The following SFXN4 variants were observed in gnomAD, a reference collection of about 807,000 sequenced individuals.
SFXN4 encodes the protein sideroflexin-4.
SFXN4 carries 48 observed loss-of-function variants against 54.6 expected under a neutral mutation model. That is an observed-to-expected ratio of 0.88 (90% CI 0.70 to 1.12). The LOEUF (loss-of-function observed/expected upper bound fraction) is 1.12. Ranked by LOEUF, SFXN4 falls within the 50% of genes most tolerant of loss-of-function variation. The pLI is 0.00. For missense variants in SFXN4, 383 were observed against 409.2 expected (o/e 0.94, Z 0.55); for synonymous variants, 130 against 145.5 (o/e 0.89, Z 0.77).
chr10:119,144,064 C>T (rs1172581547), intron 13 of SFXN4, among the ~76,000 whole-genome samples: 1 of 152,134 alleles, frequency 6.6e-6, no homozygotes. Flanking sequence ...ACCTATAAAA[C>T]GTGGGTTCTG....
At chr10:119,144,782 A>C (rs561135867) in intron 13 of SFXN4, among the ~76,000 whole-genome samples, 64 of 152,276 alleles carry the variant, frequency 4.2e-4, no homozygotes, top group Middle Eastern at 3.4e-3. Context: ...AGAGTACCTA[A>C]TTTAAAATTT....
At chr10:119,159,865 AC>A (rs763799334) in intron 5 of SFXN4, 112 bp from the exon 6 acceptor site, 15 of 1,102,116 alleles carry the variant, frequency 1.4e-5, no homozygotes, top group Non-Finnish European at 1.8e-5. Flanking sequence ...GAAGGCACAG[AC>A]CTCAAAGGAC....
chr10:119,164,721 T>C (rs1847697767), intron 1 of SFXN4, among the ~76,000 whole-genome samples: 1 of 152,092 alleles, frequency 6.6e-6, no homozygotes, highest in Non-Finnish European at 1.5e-5. Flanking sequence ...GCTTTAAGCC[T>C]TGGCTCTGCT....
At chr10:119,148,119 C>G (rs1846897856) in intron 11 of SFXN4, among the ~76,000 whole-genome samples, 1 of 152,028 alleles carries the variant, frequency 6.6e-6, no homozygotes. Flanking sequence ...TTGCAGTGAG[C>G]CAAGATCACG....
At chr10:119,151,482 A>G (rs1383688789) in intron 11 of SFXN4, among the ~76,000 whole-genome samples, 1 of 151,526 alleles carries the variant, frequency 6.6e-6, no homozygotes, top group African/African-American at 2.4e-5. Flanking sequence ...CTACAACTGG[A>G]CTGTGGTGAT....
intron 7 of SFXN4, 29 bp downstream of exon 7, chr10:119,157,980 A>G (rs2133612190): frequency 1.2e-6 from 2 of 1,614,158 alleles, no homozygotes; most frequent in Non-Finnish European, 1.7e-6. Context: ...AACAGAATTT[A>G]GTAATCGTGA....
chr10:119,162,478 T>G, intron 2 of SFXN4, 64 bp from the exon 3 acceptor site: 1 of 1,389,242 alleles, frequency 7.2e-7, no homozygotes, highest in East Asian at 2.3e-5. Context: ...TCCCCAGAGG[T>G]AGGAATCACC....
In SFXN4 at chr10:119,147,785, A is replaced by C; in HGVS notation, c.808T>G (p.Phe270Val). Residue 270 changes from phenylalanine to valine, a missense_variant, in exon 12 of 14, where the codon TTT becomes GTT. Physicochemically the swap from Phe to Val is conservative, Grantham distance 50 (BLOSUM62 -1). Coordinates refer to ENST00000355697, the MANE Select transcript of SFXN4 (RefSeq NM_213649.2). ...SALIPEVFTY[F>V]FKRTQYFRKN... ...GACCGTGTCTCTTACCTTTTAAAAA[A>C]GTAGGTGAAGACTTCAGGAATCAGA... The C allele has an allele frequency of 1.9e-6, 3 of 1,613,992 alleles. No homozygotes were observed. Among genetic ancestry groups the C allele is most frequent in the Non-Finnish European group, 2.5e-6 (3 of 1,179,836 alleles).
chr10:119,143,506 T>C (rs1006101179), intron 13 of SFXN4, among the ~76,000 whole-genome samples: 3 of 152,120 alleles, frequency 2.0e-5, no homozygotes, highest in African/African-American at 7.2e-5. Flanking sequence ...TGGCTAATTA[T>C]TATTTTTTCT....
intron 2 of SFXN4, among the ~76,000 whole-genome samples, chr10:119,162,800 T>C (rs1847611180): frequency 6.6e-6 from 1 of 152,158 alleles, no homozygotes. Context: ...CTTTCTTTTC[T>C]TATTGTTTTT....
chr10:119,156,666 C>A lies in SFXN4; in HGVS notation c.616+12G>T. On this transcript the variant is annotated intron_variant, in intron 10 of 13. Transcript: ENST00000355697. ...CCCACCCAGACTGCAGCCTCCAGCC[C>A]TTCCTGCTCACCGAGGAAGATCACA... 1.2e-6 allele frequency: 2 copies of A among 1,602,882 alleles called. No homozygotes were observed. The highest frequency in any genetic ancestry group is 2.2e-5 in the East Asian group (1 of 44,686).
chr10:119,142,700 G>A lies in SFXN4; in HGVS notation c.937-1381C>T, dbSNP rs551545441. On this transcript the variant is annotated intron_variant, in intron 13 of 13. Coordinates refer to ENST00000355697, the MANE Select transcript of SFXN4 (RefSeq NM_213649.2). ...CGAGTAGCTGGGACTACAGGCACCC[G>A]CCACCACGTCCAGCTAATGTTTTGA... Among the ~76,000 whole-genome samples the A allele has an allele frequency of 1.5e-4, 21 of 139,260 alleles. 1 individual carries two copies. Among genetic ancestry groups the A allele is most frequent in the Admixed American group, 7.6e-4 (10 of 13,240 alleles). 91.4% of individuals were successfully genotyped at this position (139,260 alleles called of 152,430 possible). A position where few individuals can be genotyped will look rare whatever the true frequency, so the allele number is the denominator to read the frequency against.
intron 3 of SFXN4, among the ~76,000 whole-genome samples, chr10:119,161,423 ACAAC>A (rs1320128314): frequency 2.3e-5 from 3 of 128,702 alleles, no homozygotes; most frequent in Admixed American, 7.7e-5. Flanking sequence ...AACAACAACA[ACAAC>A]AAAAAAAAAC....
chr10:119,144,017 T>C (rs1846673615), intron 13 of SFXN4, among the ~76,000 whole-genome samples: 1 of 152,224 alleles, frequency 6.6e-6, no homozygotes, highest in African/African-American at 2.4e-5. Flanking sequence ...TACGTTGTGC[T>C]GGCAAAGTTG....
At chr10:119,149,745 G>C in intron 11 of SFXN4, among the ~76,000 whole-genome samples, 1 of 152,170 alleles carries the variant, frequency 6.6e-6, no homozygotes, top group East Asian at 1.9e-4. Context: ...GCGAGACTCA[G>C]TCTCTAAAAT....
intron 7 of SFXN4, 25 bp from the exon 8 acceptor site, chr10:119,157,952 C>A (rs1458251718): frequency 1.2e-6 from 2 of 1,614,032 alleles, no homozygotes; most frequent in African/African-American, 2.7e-5. Flanking sequence ...AAATGGATCG[C>A]ATTTTCGTTT....
intron 1 of SFXN4, 198 bp downstream of exon 1, chr10:119,165,339 C>A: frequency 7.7e-7 from 1 of 1,299,102 alleles, no homozygotes; most frequent in Non-Finnish European, 9.8e-7. Context: ...CATCTGGCAG[C>A]TTCGATTTCC....
chr10:119,161,727 C>T (rs746269173), intron 3 of SFXN4, among the ~76,000 whole-genome samples: 5 of 152,282 alleles, frequency 3.3e-5, no homozygotes, highest in South Asian at 2.1e-4. Flanking sequence ...TCCCCGAATC[C>T]GGCTTGCCTC....
At chr10:119,146,783 G>A (rs1190832373) in intron 12 of SFXN4, among the ~76,000 whole-genome samples, 2 of 152,132 alleles carry the variant, frequency 1.3e-5, no homozygotes, top group Non-Finnish European at 2.9e-5. Flanking sequence ...GGCCAGGATG[G>A]TCTAGAACTC....
Sources: gnomAD v4.1 joint callset for allele counts (sites outside exome capture counted in the v4.1 genomes callset) on GRCh38, gnomAD v4.1.1 for gene constraint, MANE v1.5 for transcripts, NCBI Gene and HGNC (gene_info 2026-07-23, HGNC 2026-07-21) for gene names.